The following NFATC1 variants were observed in gnomAD, a reference collection of about 807,000 sequenced individuals.
NFATC1 encodes the protein nuclear factor of activated T-cells, cytoplasmic 1.
In NFATC1, 22 loss-of-function variants were observed where a neutral mutation model predicts 76.0. The ratio of observed to expected loss-of-function variants is 0.29; its 90% CI spans 0.21 to 0.41. NFATC1 has a LOEUF of 0.41. Among genes scored for constraint, NFATC1 ranks in the 10% least tolerant of loss-of-function variants. NFATC1 has a pLI of 1.00. For synonymous variants in NFATC1, 704 were observed against 613.1 expected (o/e 1.15, Z -2.19); for missense variants, 1,357 against 1,337.7 (o/e 1.01, Z -0.23).
Position 79,465,290 on chromosome 18 carries a change from G to A in NFATC1, c.1960-2160G>A, listed in dbSNP as rs1318040647. On this transcript the variant is annotated intron_variant, in intron 7 of 9. Coordinates refer to ENST00000427363, the MANE Select transcript of NFATC1 (RefSeq NM_001278669.2). This position sits in a 1 kb window ranked among gnomAD's most constrained non-coding sequence, Gnocchi z 4.2. ...TTGTCTATTTAGAGAGTTGAAGTGGGTTGGCCTGTGCCCACATCAACATAG... is the reference window on the plus strand; with the variant it reads ...TTGTCTATTTAGAGAGTTGAAGTGGATTGGCCTGTGCCCACATCAACATAG... 6.6e-6 allele frequency among the ~76,000 whole-genome samples: 1 copy of A among 152,184 alleles called. No homozygotes were observed. The highest frequency in any genetic ancestry group is 2.4e-5 in the African/African-American group (1 of 41,442).
chr18:79,428,073 CG>C (rs1336968345), intron 2 of NFATC1, among the ~76,000 whole-genome samples: 3 of 43,760 alleles, frequency 6.9e-5, no homozygotes, highest in Non-Finnish European at 1.3e-4. Context: ...TGCAGTGGGT[CG>C]GGGGGCCTGG....
intron 2 of NFATC1, among the ~76,000 whole-genome samples, chr18:79,414,838 G>C (rs900075479): frequency 1.4e-4 from 22 of 152,234 alleles, no homozygotes; most frequent in African/African-American, 5.3e-4. Context: ...TCCGTGTGCT[G>C]TTGAGGGTGC....
At chr18:79,508,366 A>C (rs2090166668) in intron 9 of NFATC1, among the ~76,000 whole-genome samples, 2 of 152,144 alleles carry the variant, frequency 1.3e-5, no homozygotes, top group African/African-American at 4.8e-5. Context: ...CAGCAGCCAC[A>C]GGGCAGCGGC....
At position 79,461,069 on chromosome 18, in the gene NFATC1, GC is replaced by G. The variant is rs552335070; in HGVS notation, c.1904-240del. Reference sequence around the variant, plus strand: ...GGGCTGGGGTCAGAACAAGCCCTGAGCCGCGTGTCCTCAGCTTCTCCAGGCT... The same window carrying G: ...GGGCTGGGGTCAGAACAAGCCCTGAGCGCGTGTCCTCAGCTTCTCCAGGCT... On this transcript the variant is annotated intron_variant, in intron 6 of 9. Coordinates refer to ENST00000427363, the MANE Select transcript of NFATC1 (RefSeq NM_001278669.2). 3.9e-5 allele frequency among the ~76,000 whole-genome samples: 6 copies of G among 152,372 alleles called. No homozygotes were observed. The East Asian group carries it at 1.2e-3, about 29-fold the overall frequency.
chr18:79,506,597 G>A (rs913829751), intron 9 of NFATC1, among the ~76,000 whole-genome samples: 28 of 152,202 alleles, frequency 1.8e-4, no homozygotes, highest in African/African-American at 6.0e-4. Flanking sequence ...TCCAACACAC[G>A]GTCCCTGGAC....
At chr18:79,417,866 G>T (rs889439705) in intron 2 of NFATC1, among the ~76,000 whole-genome samples, 122 of 98,588 alleles carry the variant, frequency 1.2e-3, no homozygotes, top group Non-Finnish European at 1.9e-3. Context: ...GGTGGGAGAT[G>T]GGAGATGGGC....
rs2089175275 is a variant in NFATC1 at position 79,478,826 on chromosome 18, G to C, written c.2093-7422G>C. On this transcript the variant is annotated intron_variant, in intron 8 of 9. Transcript: ENST00000427363. ...GCAGAGACTCTGCAGCGGCATCAGA[G>C]AGAAGCTGGGCCCCAGAACAGCACC... 2.0e-5 allele frequency among the ~76,000 whole-genome samples: 3 copies of C among 152,230 alleles called. No homozygotes were observed. The South Asian group carries it at 6.2e-4, about 31-fold the overall frequency.
At chr18:79,512,209 C>T (rs984320741) in intron 9 of NFATC1, among the ~76,000 whole-genome samples, 2 of 152,012 alleles carry the variant, frequency 1.3e-5, no homozygotes, top group Admixed American at 1.3e-4. Context: ...CCCCAGGACA[C>T]GGCCTCGCCC....
In NFATC1 at chr18:79,411,393, C is replaced by T; in HGVS notation, c.1118C>T (p.Ser373Phe). 1 of 1,575,304 alleles carries T rather than the reference C, an allele frequency of 6.3e-7. No homozygotes were observed. Among genetic ancestry groups the T allele is most frequent in the Non-Finnish European group, 8.6e-7 (1 of 1,163,186 alleles). ...GACTTCGCGCCCGAAGACTACTCCT[C>T]TTTCCAGCACATCAGGAAGGGCGGC... ...PADFAPEDYS[S>F]FQHIRKGGFC... Residue 373 changes from serine (S) to phenylalanine (F), a missense_variant, in exon 2 of 10, where the codon TCT (serine) becomes TTT (phenylalanine). Ser to Phe is a radical substitution (Grantham distance 155). Around this residue, in one of 3 missense-constraint regions of NFATC1, gnomAD observed 691 missense variants for 613.1 expected, o/e 1.13. Coordinates refer to ENST00000427363, the MANE Select transcript of NFATC1 (RefSeq NM_001278669.2).
chr18:79,448,723 G>A (rs756638065), intron 3 of NFATC1, 59 bp from the exon 4 acceptor site: 6 of 1,557,418 alleles, frequency 3.9e-6, no homozygotes, highest in Non-Finnish European at 5.2e-6. Flanking sequence ...CTGCGTTCCG[G>A]TGACTCCCGG....
intron 7 of NFATC1, among the ~76,000 whole-genome samples, chr18:79,463,843 G>A (rs1219881002): frequency 1.3e-5 from 2 of 152,194 alleles, no homozygotes; most frequent in Admixed American, 6.5e-5. Context: ...GATGCAGGAT[G>A]CCGGAGCTGG....
Position 79,464,698 on chromosome 18 carries a change from A to AT in NFATC1, c.1960-2749dup, listed in dbSNP as rs1555911973. ...TATGTATGTGTATATATATATATTTATTTATTTATTTATTTTTTTTTTTTT... is the reference window on the plus strand; with the variant it reads ...TATGTATGTGTATATATATATATTTATTTTATTTATTTATTTTTTTTTTTTT... On this transcript the variant is annotated intron_variant, in intron 7 of 9. Coordinates refer to ENST00000427363, the MANE Select transcript of NFATC1 (RefSeq NM_001278669.2). Among the ~76,000 whole-genome samples, 155 of 94,840 alleles carry AT rather than the reference A, an allele frequency of 1.6e-3. 10 individuals carry two copies. The highest frequency in any genetic ancestry group is 7.9e-3 in the African/African-American group (144 of 18,166). 62.2% of individuals were successfully genotyped at this position (94,840 alleles called of 152,430 possible).
chr18:79,430,503 C>T (rs2086555413), intron 2 of NFATC1, among the ~76,000 whole-genome samples: 1 of 152,240 alleles, frequency 6.6e-6, no homozygotes, highest in Admixed American at 6.5e-5. Context: ...CTGCTTCACC[C>T]TCCCAAGTGG....
At position 79,410,240 on chromosome 18, in the gene NFATC1, G is replaced by A. The variant is rs560106014; in HGVS notation, c.128-163G>A. ...GGGACTGGGGCTGTCACTCCAAGTC[G>A]CCCGGAGCTGTCCGGCAGCGTGGTC... On this transcript the variant is annotated intron_variant, in intron 1 of 9. Coordinates refer to ENST00000427363, the MANE Select transcript of NFATC1 (RefSeq NM_001278669.2). The surrounding 1 kb of genome is among the most constrained non-coding windows in gnomAD (Gnocchi z 6.7). The A allele has an allele frequency of 4.0e-3, 4,753 of 1,181,916 alleles. 43 individuals are homozygous for A. Among genetic ancestry groups the A allele is most frequent in the South Asian group, 0.017 (1,193 of 71,498 alleles). The allele number at this position is 1,181,916 out of a possible 1,614,324, so 73.2% of individuals were successfully genotyped here. A position where few individuals can be genotyped will look rare whatever the true frequency, so the allele number is the denominator to read the frequency against.
chr18:79,457,767 G>A (rs946530590), intron 6 of NFATC1, among the ~76,000 whole-genome samples: 6 of 151,932 alleles, frequency 3.9e-5, no homozygotes, highest in African/African-American at 1.5e-4. Context: ...CCGTGGCCTC[G>A]CCTGGTCTGG....
rs188719719 is a variant in NFATC1 at position 79,517,567 on chromosome 18, G to A, written c.2783-9961G>A. 3.1e-3 allele frequency among the ~76,000 whole-genome samples: 474 copies of A among 152,346 alleles called. 4 individuals are homozygous for A. Among genetic ancestry groups the A allele is most frequent in the Non-Finnish European group, 3.6e-3 (245 of 68,036 alleles). On this transcript the variant is annotated intron_variant, in intron 9 of 9. Coordinates refer to ENST00000427363, the MANE Select transcript of NFATC1 (RefSeq NM_001278669.2). ...CAATAGGAACATGCCCCCGTAGGCC[G>A]TGGGTGGCATCACGACGGCCTTTTT...
intron 3 of NFATC1, among the ~76,000 whole-genome samples, chr18:79,439,144 C>G (rs2086883415): frequency 1.3e-5 from 2 of 152,214 alleles, no homozygotes; most frequent in South Asian, 2.1e-4. Context: ...CGCACTGTTC[C>G]ACGCAGGGCC....
rs530904052 is a variant in NFATC1 at position 79,427,158 on chromosome 18, G to A, written c.1227-6421G>A. On this transcript the variant is annotated intron_variant, in intron 2 of 9. Transcript: ENST00000427363. ...GGGCTGCAGCCCTTCGTGTACCCACGTGTCCGATGTCTCTGTGCCATGCCG... is the reference window on the plus strand; with the variant it reads ...GGGCTGCAGCCCTTCGTGTACCCACATGTCCGATGTCTCTGTGCCATGCCG... Among the ~76,000 whole-genome samples the A allele has an allele frequency of 6.6e-5, 10 of 152,334 alleles. No homozygotes were observed. The East Asian group carries it at 1.2e-3, about 18-fold the overall frequency.
At position 79,488,955 on chromosome 18, in the gene NFATC1, A is replaced by G. The variant is rs544443828; in HGVS notation, c.2782+2018A>G. Among the ~76,000 whole-genome samples, 6 of 147,884 alleles carry G rather than the reference A, an allele frequency of 4.1e-5. No individual in the cohort carries two copies. The East Asian group carries it at 1.2e-3, about 29-fold the overall frequency. The stretch of plus-strand genomic sequence containing the variant: ...TGGCGAGGGTAGAGTTCGGGGTGGG[A>G]CTTGGGGTGGGTGAGCAGCGGCAGT... On this transcript the variant is annotated intron_variant, in intron 9 of 9. Transcript: ENST00000427363.
Sources: allele counts gnomAD v4.1 joint callset (sites outside exome capture counted in the v4.1 genomes callset), GRCh38; gene constraint gnomAD v4.1.1; regional missense constraint gnomAD v4.1.1; non-coding constraint Gnocchi (gnomAD v3.1); transcripts MANE v1.5; gene names NCBI Gene and HGNC (gene_info 2026-07-23, HGNC 2026-07-21).